Variants in ACACB observed in about 807,000 individuals in gnomAD.
ACACB encodes acetyl-CoA carboxylase beta.
ACACB carries 209 observed loss-of-function variants against 278.8 expected under a neutral mutation model. That is an observed-to-expected ratio of 0.75 (90% confidence interval 0.67 to 0.84). The LOEUF (loss-of-function observed/expected upper bound fraction) is 0.84, where lower values mean the gene tolerates loss of function less well. ACACB is among the 40% of genes least tolerant of loss of function. ACACB has a pLI of 0.00. For synonymous variants in ACACB, 1,174 were observed against 1,285.6 expected (o/e 0.91, Z 1.86); for missense variants, 2,850 against 3,269.0 (o/e 0.87, Z 3.13).
Position 109,176,209 on chromosome 12 carries a change from GA to G in ACACB, c.1385del (p.Lys462ArgfsTer31), listed in dbSNP as rs745539744. 4.3e-6 allele frequency: 7 copies of G among 1,614,206 alleles called. No homozygotes were observed. The South Asian group carries it at 7.7e-5, about 18-fold the overall frequency. ...TCAAAGCTTCTGAAGGTGGCGGAGG[GA>G]AGGGAATCCGGAAGGCTGAGAGTGC... ...MIKASEGGGGKGIRKAESAED... is the reference protein window; with the variant it reads ...MIKASEGGGGXGIRKAESAED... On this transcript the variant is annotated frameshift_variant, in exon 9 of 53. Coordinates refer to ENST00000338432, the MANE Select transcript of ACACB (RefSeq NM_001093.4). LOFTEE classifies it high-confidence loss of function.
At chr12:109,172,433 CTCCTG>C (rs1460682702) in intron 6 of ACACB, 77 bp downstream of exon 6, 2 of 1,374,754 alleles carry the variant, frequency 1.5e-6, no homozygotes, top group Non-Finnish European at 2.1e-6. Flanking sequence ...CCTCTTTCTC[CTCCTG>C]TCCTGTAAAG....
rs1227746175 is a variant in ACACB at position 109,258,304 on chromosome 12, G to T, written c.6300G>T (p.Glu2100Asp). The change falls in exon 46 of 53, where the codon GAG becomes GAT. Residue 2100 changes from glutamate (E) to aspartate (D), a missense_variant. Physicochemically the swap from Glu to Asp is conservative, Grantham distance 45. This residue lies in a region of ACACB where 579 missense variants were observed against 684.6 expected (regional missense o/e 0.85). Coordinates refer to ENST00000338432, the MANE Select transcript of ACACB (RefSeq NM_001093.4). ...GGIPVGVIAV[E>D]TRTVEVAVPA... ...TTCCCGTGGGAGTGATTGCTGTGGA[G>T]ACACGGACTGTGGAGGTGGCAGTCC... 1 of 1,612,696 alleles carries T rather than the reference G, an allele frequency of 6.2e-7. No homozygotes were observed. The highest frequency in any genetic ancestry group is 8.5e-7 in the Non-Finnish European group (1 of 1,179,928).
chr12:109,194,809 C>T (rs537675256), intron 16 of ACACB, among the ~76,000 whole-genome samples: 1 of 152,208 alleles, frequency 6.6e-6, no homozygotes, highest in African/African-American at 2.4e-5. Context: ...TCCAGGAAGG[C>T]CATGAATTTT....
At chr12:109,133,864 T>TATATA (rs1555202940) in intron 1 of ACACB, among the ~76,000 whole-genome samples, 433 of 23,564 alleles carry the variant, frequency 0.018, 2 homozygotes, top group East Asian at 0.049. Flanking sequence ...TATATATATA[T>TATATA]TTTTTTTTTT....
chr12:109,135,716 T>G (rs2042950040), intron 1 of ACACB, among the ~76,000 whole-genome samples: 1 of 152,008 alleles, frequency 6.6e-6, no homozygotes, highest in Non-Finnish European at 1.5e-5. Flanking sequence ...AGTTAATGAT[T>G]GTATGTGGTA....
intron 2 of ACACB, chr12:109,154,595 C>A (rs1371374968): frequency 1.3e-5 from 2 of 151,868 alleles, no homozygotes; most frequent in African/African-American, 4.8e-5. Flanking sequence ...AAGGCGGGGC[C>A]CTCCTGGGGC....
intron 17 of ACACB, 64 bp from the exon 18 acceptor site, chr12:109,199,338 G>A: frequency 7.6e-7 from 1 of 1,315,012 alleles, no homozygotes; most frequent in Non-Finnish European, 9.9e-7. Context: ...TTGAAAGCCG[G>A]ACTAGGGCTT....
At chr12:109,264,469 G>T (rs2047461916) in intron 50 of ACACB, 83 bp downstream of exon 50, 3 of 1,537,688 alleles carry the variant, frequency 2.0e-6, no homozygotes, top group Non-Finnish European at 2.7e-6. Context: ...TCGGGGGCGG[G>T]GAGGGCGGTG....
chr12:109,244,145 AAAC>A (rs1188231086), intron 37 of ACACB, among the ~76,000 whole-genome samples: 7 of 152,192 alleles, frequency 4.6e-5, no homozygotes, highest in Non-Finnish European at 8.8e-5. Context: ...TTTACAAGAA[AAAC>A]AACAACCCCA....
chr12:109,167,195 A>T, intron 3 of ACACB: 1 of 630,226 alleles, frequency 1.6e-6, no homozygotes, highest in Non-Finnish European at 2.7e-6. Context: ...TATTGTGAGG[A>T]TGAAATGAAA....
chr12:109,209,942 C>CACAT (rs2045655317), intron 21 of ACACB, among the ~76,000 whole-genome samples: 3 of 79,902 alleles, frequency 3.8e-5, no homozygotes, highest in Non-Finnish European at 7.5e-5. Flanking sequence ...CACACATACA[C>CACAT]ACACGTGTGT....
At chr12:109,157,996 G>C in intron 2 of ACACB, among the ~76,000 whole-genome samples, 1 of 152,146 alleles carries the variant, frequency 6.6e-6, no homozygotes, top group South Asian at 2.1e-4. Context: ...TTCACTCTTG[G>C]CTACACATTA....
chr12:109,220,596 G>C (rs112496916), intron 24 of ACACB, among the ~76,000 whole-genome samples: 5 of 152,192 alleles, frequency 3.3e-5, no homozygotes, highest in African/African-American at 9.7e-5. Context: ...CTGTCACCCA[G>C]GTTGGAGTGC....
rs759904403 is a variant in ACACB, at chr12:109,199,540, C to T, written c.2766C>T (p.Tyr922=). The change falls in exon 18 of 53, where the codon TAC becomes TAT. Residue 922 remains tyrosine (Y), a synonymous_variant. Transcript: ENST00000338432. The part of the protein sequence containing the change: ...DGGHVEAGSS[Y]AEMEVMKMIM... ...GCCACGTTGAGGCTGGGAGCAGCTA[C>T]GCTGAGATGGAGGTGACTGCAGAGC... The T allele has an allele frequency of 1.5e-5, 22 of 1,487,234 alleles. No homozygotes were observed. Among genetic ancestry groups the T allele is most frequent in the South Asian group, 4.2e-5 (3 of 71,126 alleles). 92.1% of individuals were successfully genotyped at this position (1,487,234 alleles called of 1,614,324 possible).
intron 39 of ACACB, among the ~76,000 whole-genome samples, chr12:109,247,030 GATC>G (rs2046966317): frequency 6.6e-6 from 1 of 152,086 alleles, no homozygotes; most frequent in Non-Finnish European, 1.5e-5. Flanking sequence ...AGTGAGCCAT[GATC>G]ATCATACCAC....
chr12:109,229,142 C>T (rs1469095886), intron 28 of ACACB, among the ~76,000 whole-genome samples: 1 of 152,042 alleles, frequency 6.6e-6, no homozygotes, highest in Non-Finnish European at 1.5e-5. Context: ...GGGGTTTCAT[C>T]ATGTCAGCCA....
intron 1 of ACACB, among the ~76,000 whole-genome samples, chr12:109,123,811 T>C (rs1418019645): frequency 6.6e-6 from 1 of 151,622 alleles, no homozygotes; most frequent in Non-Finnish European, 1.5e-5. Flanking sequence ...CCAGAGTAGC[T>C]GGGACTACAG....
At chr12:109,257,939 G>A (rs566124283) in intron 45 of ACACB, among the ~76,000 whole-genome samples, 2 of 152,268 alleles carry the variant, frequency 1.3e-5, no homozygotes, top group Admixed American at 6.5e-5. Flanking sequence ...CACTTGCCAC[G>A]TTCCACGTGC....
At chr12:109,254,094 C>G (rs2136776458) in intron 43 of ACACB, 120 bp from the exon 44 acceptor site, 4 of 1,240,922 alleles carry the variant, frequency 3.2e-6, no homozygotes, top group South Asian at 2.6e-5. Context: ...TTCAGGAGCC[C>G]TAGGGAGGGG....
Sources: allele counts gnomAD v4.1 joint callset (sites outside exome capture counted in the v4.1 genomes callset), GRCh38; gene constraint gnomAD v4.1.1; regional missense constraint gnomAD v4.1.1; transcripts MANE v1.5; gene names NCBI Gene and HGNC (gene_info 2026-07-23, HGNC 2026-07-21).